The following AFG1L variants were observed in gnomAD, a reference collection of about 807,000 sequenced individuals.
The protein encoded by AFG1L is AFG1 like ATPase.
In AFG1L, 53 loss-of-function variants were observed where a neutral mutation model predicts 62.2. The ratio of observed to expected loss-of-function variants is 0.85; its 90% confidence interval spans 0.68 to 1.07. The LOEUF (loss-of-function observed/expected upper bound fraction) is 1.07, where lower values mean the gene tolerates loss of function less well. Ranked by LOEUF, AFG1L falls within the 50% of genes least tolerant of loss-of-function variation. The pLI, the probability that AFG1L is intolerant of heterozygous loss-of-function variation, is 0.00. For missense variants in AFG1L, 555 were observed against 590.5 expected (o/e 0.94, Z 0.62); for synonymous variants, 228 against 210.3 (o/e 1.08, Z -0.73).
intron 10 of AFG1L, among the ~76,000 whole-genome samples, chr6:108,485,412 A>G (rs1300066591): frequency 6.6e-6 from 1 of 151,608 alleles, no homozygotes; most frequent in Admixed American, 6.6e-5. Context: ...GTGTGCCAAA[A>G]ACTGTATACT....
chr6:108,498,287 A>G (rs1442697675), intron 10 of AFG1L, among the ~76,000 whole-genome samples: 1 of 152,222 alleles, frequency 6.6e-6, no homozygotes, highest in Non-Finnish European at 1.5e-5. Flanking sequence ...AATCCAAAGG[A>G]TATGGACAAG....
At chr6:108,453,996 A>G (rs1275189529) in intron 8 of AFG1L, among the ~76,000 whole-genome samples, 1 of 152,170 alleles carries the variant, frequency 6.6e-6, no homozygotes, top group African/African-American at 2.4e-5. Flanking sequence ...TTAGGCCGTC[A>G]TTTGTTTCAA....
chr6:108,484,647 T>TTA (rs1226693689), intron 10 of AFG1L, among the ~76,000 whole-genome samples: 1 of 152,144 alleles, frequency 6.6e-6, no homozygotes, highest in Non-Finnish European at 1.5e-5. Flanking sequence ...GTGCAAAATT[T>TTA]TACCATACAC....
intron 1 of AFG1L, among the ~76,000 whole-genome samples, chr6:108,301,595 A>T (rs929461114): frequency 6.6e-6 from 1 of 152,262 alleles, no homozygotes; most frequent in Non-Finnish European, 1.5e-5. Flanking sequence ...TATCTAGAAG[A>T]TTAATAACTG....
intron 6 of AFG1L, among the ~76,000 whole-genome samples, chr6:108,394,288 C>T (rs1175647108): frequency 6.6e-6 from 1 of 152,022 alleles, no homozygotes. Context: ...GCTGGGATTA[C>T]AGGCATGTGC....
At chr6:108,333,480 C>T (rs1007260540) in intron 2 of AFG1L, among the ~76,000 whole-genome samples, 4 of 152,086 alleles carry the variant, frequency 2.6e-5, no homozygotes, top group African/African-American at 7.2e-5. Context: ...CAATGGCTCA[C>T]GCCTGTAATC....
intron 3 of AFG1L, among the ~76,000 whole-genome samples, chr6:108,350,215 A>C (rs1455763969): frequency 2.6e-5 from 4 of 152,056 alleles, no homozygotes; most frequent in African/African-American, 7.2e-5. Context: ...AAATAAATAC[A>C]TAAGTAAATA....
chr6:108,369,915 T>C (rs971383641), intron 6 of AFG1L, among the ~76,000 whole-genome samples: 2 of 151,478 alleles, frequency 1.3e-5, no homozygotes, highest in African/African-American at 4.9e-5. Context: ...CAGCCCCAGA[T>C]TGATCTGGCT....
At chr6:108,313,841 A>G (rs1259496883) in intron 1 of AFG1L, among the ~76,000 whole-genome samples, 2 of 152,116 alleles carry the variant, frequency 1.3e-5, no homozygotes, top group Non-Finnish European at 2.9e-5. Context: ...AGTCCAGCCC[A>G]TAGATATCTC....
At chr6:108,459,741 C>T (rs556484623) in intron 8 of AFG1L, among the ~76,000 whole-genome samples, 1 of 152,232 alleles carries the variant, frequency 6.6e-6, no homozygotes, top group East Asian at 1.9e-4. Flanking sequence ...TTTTGTAAAA[C>T]ACTCATAATT....
intron 7 of AFG1L, among the ~76,000 whole-genome samples, chr6:108,440,996 A>G (rs1050605425): frequency 6.6e-6 from 1 of 152,168 alleles, no homozygotes; most frequent in Non-Finnish European, 1.5e-5. Context: ...AGTTCGATTT[A>G]TGTAGTTGGG....
At chr6:108,376,745 C>G (rs563049676) in intron 6 of AFG1L, among the ~76,000 whole-genome samples, 1 of 151,924 alleles carries the variant, frequency 6.6e-6, no homozygotes, top group Non-Finnish European at 1.5e-5. Context: ...TATTTGTGGT[C>G]GATATATAGA....
At chr6:108,471,050 A>C (rs1317919632) in intron 8 of AFG1L, among the ~76,000 whole-genome samples, 1 of 152,188 alleles carries the variant, frequency 6.6e-6, no homozygotes, top group Non-Finnish European at 1.5e-5. Context: ...ATTAAACAAG[A>C]ATCTTGGTCG....
At chr6:108,396,048 GT>G (rs532126297) in intron 6 of AFG1L, among the ~76,000 whole-genome samples, 23 of 141,474 alleles carry the variant, frequency 1.6e-4, no homozygotes, top group Middle Eastern at 3.7e-3. Flanking sequence ...TTGTTTTTTT[GT>G]TTTTTTTTTT....
rs145178219 is a variant in AFG1L at position 108,313,387 on chromosome 6, T to C, written c.140-10438T>C. Among the ~76,000 whole-genome samples the C allele has an allele frequency of 2.0e-3, 309 of 152,308 alleles. 3 individuals carry two copies. Among genetic ancestry groups the C allele is most frequent in the Non-Finnish European group, 7.2e-4 (49 of 68,030 alleles). ...TAGTTGTGAAGATCGAATCAGTTAA[T>C]GTACAGACATTCCTTAGAAAAGTAA... On this transcript the variant is annotated intron_variant, in intron 1 of 12. Transcript: ENST00000368977.
chr6:108,418,180 G>A lies in AFG1L; in HGVS notation c.807+16126G>A, dbSNP rs148415116. ...AGGCATTCATTTTACCCTCTGCACT[G>A]AAAGTATTTTAAAGTAGCCTGTGAT... On this transcript the variant is annotated intron_variant, in intron 7 of 12. Coordinates refer to ENST00000368977, the MANE Select transcript of AFG1L (RefSeq NM_145315.5). 3.3e-4 allele frequency among the ~76,000 whole-genome samples: 50 copies of A among 152,306 alleles called. 1 individual carries two copies. The East Asian group carries it at 9.4e-3, about 29-fold the overall frequency.
At chr6:108,494,445 G>T (rs866640926) in intron 10 of AFG1L, among the ~76,000 whole-genome samples, 1 of 148,988 alleles carries the variant, frequency 6.7e-6, no homozygotes, top group African/African-American at 2.5e-5. Context: ...CCCCCACCCC[G>T]CAAAAAAATA....
chr6:108,418,204 A>G (rs1380566113), intron 7 of AFG1L, among the ~76,000 whole-genome samples: 1 of 152,228 alleles, frequency 6.6e-6, no homozygotes, highest in Non-Finnish European at 1.5e-5. Context: ...GTAGCCTGTG[A>G]TAGTTTATAC....
intron 1 of AFG1L, among the ~76,000 whole-genome samples, chr6:108,298,468 G>A (rs1396413025): frequency 6.6e-6 from 1 of 152,072 alleles, no homozygotes; most frequent in Admixed American, 6.6e-5. Context: ...GTTTCAACAT[G>A]TTGGTCAGGC....
Sources: allele counts gnomAD v4.1 joint callset (sites outside exome capture counted in the v4.1 genomes callset), GRCh38; gene constraint gnomAD v4.1.1; transcripts MANE v1.5; gene names NCBI Gene and HGNC (gene_info 2026-07-23, HGNC 2026-07-21).